CCDC102B: variants seen among roughly 807,000 people sequenced by gnomAD.
CCDC102B encodes coiled-coil domain-containing protein 102B.
CCDC102B carries 75 observed loss-of-function variants against 57.4 expected under a neutral mutation model. The ratio of observed to expected loss-of-function variants is 1.31; its 90% CI spans 1.08 to 1.58. The LOEUF (loss-of-function observed/expected upper bound fraction) is 1.58. Among genes scored for constraint, CCDC102B ranks in the 40% most tolerant of loss-of-function variants. CCDC102B has a pLI of 0.00. For synonymous variants in CCDC102B, 206 were observed against 201.9 expected (o/e 1.02, Z -0.17); for missense variants, 636 against 582.6 (o/e 1.09, Z -0.94).
chr18:68,720,819 T>A (rs1431335345), intron 2 of CCDC102B, among the ~76,000 whole-genome samples: 1 of 152,116 alleles, frequency 6.6e-6, no homozygotes, highest in African/African-American at 2.4e-5. Context: ...CACACCTTAG[T>A]CTCAGCACAT....
intron 1 of CCDC102B, among the ~76,000 whole-genome samples, chr18:68,819,838 G>T (rs1226153796): frequency 6.6e-6 from 1 of 151,868 alleles, no homozygotes; most frequent in African/African-American, 2.4e-5. Flanking sequence ...TGCTAAAATA[G>T]AATTGTATTA....
At chr18:68,744,402 T>C (rs2033531710) in intron 2 of CCDC102B, among the ~76,000 whole-genome samples, 1 of 152,218 alleles carries the variant, frequency 6.6e-6, no homozygotes, top group African/African-American at 2.4e-5. Context: ...TGGGGGCTTA[T>C]GTCTTTTATC....
At chr18:68,821,163 A>C (rs951938403) in intron 1 of CCDC102B, among the ~76,000 whole-genome samples, 6 of 152,190 alleles carry the variant, frequency 3.9e-5, no homozygotes, top group Non-Finnish European at 5.9e-5. Flanking sequence ...CTACACAAAA[A>C]TTTGGCACAA....
intron 6 of CCDC102B, among the ~76,000 whole-genome samples, chr18:68,979,201 T>A (rs2050513491): frequency 6.6e-6 from 1 of 152,076 alleles, no homozygotes; most frequent in South Asian, 2.1e-4. Flanking sequence ...TAATTTATAC[T>A]TTAAATAGCT....
rs1166537991 is a variant in CCDC102B at position 68,857,149 on chromosome 18, T to C, written c.936+10728T>C. 1.9e-3 allele frequency among the ~76,000 whole-genome samples: 94 copies of C among 49,394 alleles called. 16 individuals carry two copies. Among genetic ancestry groups the C allele is most frequent in the South Asian group, 4.8e-3 (6 of 1,246 alleles). The allele number at this position is 49,394 out of a possible 152,430, so 32.4% of individuals were successfully genotyped here. On this transcript the variant is annotated intron_variant, in intron 4 of 7. Transcript: ENST00000360242. Reference sequence around the variant, plus strand: ...TATATTTTTATATATTATATATAAATATATTTATATATTTTTATATAATAT... The same window carrying C: ...TATATTTTTATATATTATATATAAACATATTTATATATTTTTATATAATAT...
intron 6 of CCDC102B, among the ~76,000 whole-genome samples, chr18:68,922,211 A>G (rs115124559): frequency 0.011 from 1,669 of 152,252 alleles, 34 homozygotes; most frequent in African/African-American, 0.039. Context: ...GAACAGTGTT[A>G]ATTAAGACAG....
At chr18:69,048,691 G>A (rs1422282208) in intron 7 of CCDC102B, among the ~76,000 whole-genome samples, 1 of 151,864 alleles carries the variant, frequency 6.6e-6, no homozygotes, top group Admixed American at 6.6e-5. Flanking sequence ...TTACAGAATA[G>A]CATTTCTCCA....
intron 7 of CCDC102B, among the ~76,000 whole-genome samples, chr18:69,039,385 T>A (rs913095364): frequency 2.6e-5 from 4 of 151,980 alleles, no homozygotes; most frequent in African/African-American, 9.7e-5. Flanking sequence ...ATTGTTGTAA[T>A]TATTTCACTA....
chr18:68,872,115 T>C (rs1251540723), intron 4 of CCDC102B, among the ~76,000 whole-genome samples: 1 of 152,150 alleles, frequency 6.6e-6, no homozygotes, highest in African/African-American at 2.4e-5. Flanking sequence ...TGCCATTTAC[T>C]GAGGTGACAA....
Position 68,964,996 on chromosome 18 carries a change from A to C in CCDC102B, c.1264-45938A>C, listed in dbSNP as rs2050133606. On this transcript the variant is annotated intron_variant, in intron 6 of 7. Coordinates refer to ENST00000360242, the MANE Select transcript of CCDC102B (RefSeq NM_024781.3). ...TATAGGTAAAGGGTTATTTTCTCTG[A>C]CTGCTTAAAAGATTTTTGTCTTTGT... is the stretch of plus-strand genomic sequence containing the variant. Among the ~76,000 whole-genome samples, 3 of 151,884 alleles carry C rather than the reference A, an allele frequency of 2.0e-5. No homozygotes were observed. The South Asian group carries it at 6.2e-4, about 31-fold the overall frequency.
chr18:68,998,995 TATATAGAGAGAGAGAGAGAGAGAGAG>T (rs2051121530), intron 6 of CCDC102B, among the ~76,000 whole-genome samples: 1 of 42,532 alleles, frequency 2.4e-5, no homozygotes, highest in South Asian at 9.0e-4. Context: ...TATATATATA[TATATAGAGAGAGAGAGAGAGAGAGAG>T]AGAGAGAGAG....
intron 1 of CCDC102B, among the ~76,000 whole-genome samples, chr18:68,802,802 A>G (rs2144687991): frequency 6.6e-6 from 1 of 152,314 alleles, no homozygotes; most frequent in South Asian, 2.1e-4. Context: ...AGAAGTAGAA[A>G]TAGTGCAGAA....
At chr18:69,046,681 A>G (rs761685648) in intron 7 of CCDC102B, among the ~76,000 whole-genome samples, 2 of 152,130 alleles carry the variant, frequency 1.3e-5, no homozygotes, top group Admixed American at 1.3e-4. Flanking sequence ...TCCTATGTAC[A>G]GAATGGTATT....
At chr18:68,719,017 A>C (rs1195484179) in intron 2 of CCDC102B, among the ~76,000 whole-genome samples, 3 of 152,252 alleles carry the variant, frequency 2.0e-5, no homozygotes, top group Non-Finnish European at 4.4e-5. Flanking sequence ...AAATATAGGC[A>C]GCAAAACTTA....
intron 7 of CCDC102B, among the ~76,000 whole-genome samples, chr18:69,037,037 A>G (rs1173495723): frequency 6.6e-6 from 1 of 151,648 alleles, no homozygotes; most frequent in African/African-American, 2.4e-5. Flanking sequence ...ATACACACAC[A>G]CACACACACA....
intron 2 of CCDC102B, among the ~76,000 whole-genome samples, chr18:68,723,449 C>T (rs1013294227): frequency 1.3e-5 from 2 of 152,184 alleles, no homozygotes; most frequent in Non-Finnish European, 2.9e-5. Flanking sequence ...AGGTAAGTCC[C>T]TTCCACCTAT....
At chr18:68,954,161 T>G (rs1026894102) in intron 6 of CCDC102B, among the ~76,000 whole-genome samples, 1 of 152,160 alleles carries the variant, frequency 6.6e-6, no homozygotes, top group Non-Finnish European at 1.5e-5. Flanking sequence ...GCTAAGCCTA[T>G]ATAATCCTAG....
intron 2 of CCDC102B, among the ~76,000 whole-genome samples, chr18:68,735,662 G>A (rs142167601): frequency 1.1e-4 from 16 of 152,172 alleles, no homozygotes; most frequent in African/African-American, 3.9e-4. Flanking sequence ...TCACACACCC[G>A]TGACTCTGCT....
At chr18:68,815,660 CT>C (rs1227058129) in intron 1 of CCDC102B, among the ~76,000 whole-genome samples, 2 of 128,444 alleles carry the variant, frequency 1.6e-5, no homozygotes, top group Admixed American at 1.7e-4. Flanking sequence ...TCCAGCCACC[CT>C]TCACCTCCAT....
Sources: allele counts gnomAD v4.1 joint callset (sites outside exome capture counted in the v4.1 genomes callset), GRCh38; gene constraint gnomAD v4.1.1; transcripts MANE v1.5; gene names NCBI Gene and HGNC (gene_info 2026-07-23, HGNC 2026-07-21).